WLS: variants seen among roughly 807,000 people sequenced by gnomAD.
The protein encoded by WLS is Wnt ligand secretion mediator.
WLS carries 23 observed loss-of-function variants against 62.8 expected under a neutral mutation model. That is an observed-to-expected ratio of 0.37 (90% CI 0.26 to 0.52). The LOEUF (loss-of-function observed/expected upper bound fraction) is 0.52, where lower values mean the gene tolerates loss of function less well. WLS is among the 20% of genes least tolerant of loss of function. The pLI, the probability that WLS is intolerant of heterozygous loss-of-function variation, is 0.92. For synonymous variants in WLS, 246 were observed against 244.1 expected, an observed-to-expected ratio of 1.01 and a Z score of -0.07; for missense variants, 615 against 697.3, an observed-to-expected ratio of 0.88 and a Z score of 1.33.
intron 11 of WLS, among the ~76,000 whole-genome samples, chr1:68,110,136 T>C (rs148182667): frequency 2.7e-3 from 405 of 151,470 alleles, no homozygotes; most frequent in Non-Finnish European, 4.1e-3. Flanking sequence ...TTTAGTAAGA[T>C]TGAGAAAAGT....
chr1:68,172,301 AAAGTAT>A (rs1403523914), intron 2 of WLS, among the ~76,000 whole-genome samples: 1 of 119,474 alleles, frequency 8.4e-6, no homozygotes, highest in Non-Finnish European at 1.8e-5. Context: ...CCCAGAACTT[AAAGTAT>A]AATTAAAAAA....
In WLS at chr1:68,216,734, C is replaced by G. The variant is rs111638217; in HGVS notation, c.106+15460G>C. ...GGAGCCCTGAGATGGAAAAAGGCAG[C>G]AGCATGAACAAGTAGAGGGTTAATG... On this transcript the variant is annotated intron_variant, in intron 1 of 11. Transcript: ENST00000262348. 3.1e-3 allele frequency among the ~76,000 whole-genome samples: 474 copies of G among 152,282 alleles called. 6 individuals carry two copies. Among genetic ancestry groups the G allele is most frequent in the African/African-American group, 0.011 (462 of 41,540 alleles).
At chr1:68,175,747 C>T (rs1647231865) in intron 2 of WLS, among the ~76,000 whole-genome samples, 1 of 152,144 alleles carries the variant, frequency 6.6e-6, no homozygotes, top group Admixed American at 6.6e-5. Flanking sequence ...AAACAATTAA[C>T]AAATACAAAA....
chr1:68,120,261 C>A (rs1310366163), intron 11 of WLS, among the ~76,000 whole-genome samples: 1 of 152,172 alleles, frequency 6.6e-6, no homozygotes, highest in East Asian at 1.9e-4. Flanking sequence ...CAGCCAGGAC[C>A]AGAACTTACT....
chr1:68,207,406 T>C (rs1440865015), intron 1 of WLS, among the ~76,000 whole-genome samples: 1 of 152,220 alleles, frequency 6.6e-6, no homozygotes, highest in African/African-American at 2.4e-5. Flanking sequence ...AGTCATAGCA[T>C]ACACTTCTAA....
In WLS at chr1:68,164,368, C is replaced by A. The variant is rs113883383; in HGVS notation, c.380-5121G>T. ...CTGCCTCCCGGGTTCAAGCAATTCT[C>A]CTGCCTCAGCCTCCTGAGTAGCTGG... On this transcript the variant is annotated intron_variant, in intron 2 of 11. Transcript: ENST00000262348. Among the ~76,000 whole-genome samples, 51 of 152,072 alleles carry A rather than the reference C, an allele frequency of 3.4e-4. 1 individual carries two copies. Among genetic ancestry groups the A allele is most frequent in the African/African-American group, 1.2e-3 (51 of 41,474 alleles).
chr1:68,143,571 A>G (rs1426014049), intron 10 of WLS, among the ~76,000 whole-genome samples: 1 of 152,212 alleles, frequency 6.6e-6, no homozygotes, highest in East Asian at 1.9e-4. Context: ...AATACTTACC[A>G]TTGTGTTACA....
intron 9 of WLS, among the ~76,000 whole-genome samples, chr1:68,144,880 G>C (rs1646733142): frequency 6.6e-6 from 1 of 152,124 alleles, no homozygotes; most frequent in Non-Finnish European, 1.5e-5. Flanking sequence ...GCAGCGATAC[G>C]AGAGCCTGGG....
chr1:68,145,815 A>G, intron 9 of WLS, 54 bp downstream of exon 9: 1 of 1,606,502 alleles, frequency 6.2e-7, no homozygotes. Flanking sequence ...TTACACATCA[A>G]GTGGAAAGAT....
chr1:68,211,777 G>C (rs899540485), intron 1 of WLS, among the ~76,000 whole-genome samples: 1 of 152,060 alleles, frequency 6.6e-6, no homozygotes, highest in African/African-American at 2.4e-5. Context: ...CTTGGACATG[G>C]GTATCCTACC....
At chr1:68,213,961 C>A (rs532172408) in intron 1 of WLS, among the ~76,000 whole-genome samples, 1 of 152,182 alleles carries the variant, frequency 6.6e-6, no homozygotes, top group Non-Finnish European at 1.5e-5. Flanking sequence ...ATCCCCAGCA[C>A]TACTGCTCGG....
At chr1:68,223,477 G>A (rs1650021787) in intron 1 of WLS, among the ~76,000 whole-genome samples, 2 of 152,166 alleles carry the variant, frequency 1.3e-5, no homozygotes, top group Middle Eastern at 3.2e-3. Context: ...CTCAAAGAAG[G>A]AAAAGAATGG....
chr1:68,099,297 G>GT (rs1646047988), intron 11 of WLS, among the ~76,000 whole-genome samples: 1 of 152,154 alleles, frequency 6.6e-6, no homozygotes, highest in African/African-American at 2.4e-5. Flanking sequence ...ATCTGGTAGG[G>GT]TGAAGAATGA....
In WLS at chr1:68,136,524, G is replaced by A. The variant is rs890652943; in HGVS notation, c.1516+1256C>T. On this transcript the variant is annotated intron_variant, in intron 11 of 11. Transcript: ENST00000262348. ...CTGGAAAATGCTGTTACCACCCCCCGCTTTGTAAAGACTGACAGTACAAAT... is the reference window on the plus strand; with the variant it reads ...CTGGAAAATGCTGTTACCACCCCCCACTTTGTAAAGACTGACAGTACAAAT... Among the ~76,000 whole-genome samples the A allele has an allele frequency of 5.9e-5, 9 of 152,200 alleles. No homozygotes were observed. In the South Asian group the frequency reaches 8.3e-4, roughly 14 times the overall value.
Position 68,232,202 on chromosome 1 carries a change from C to G in WLS, c.98G>C (p.Gly33Ala), listed in dbSNP as rs753335690. ...VFQIIAFLVG[G>A]LIAPGPTTAV... ...CAGCTCTCCGCACTTACCAATCAAG[C>G]CTCCCACCAGAAAGGCGATGATTTG... Residue 33 changes from glycine to alanine, a missense_variant, in exon 1 of 12, where the codon GGC (glycine) becomes GCC (alanine). Gly to Ala is a moderately conservative substitution (Grantham distance 60, BLOSUM62 0). Coordinates refer to ENST00000262348, the MANE Select transcript of WLS (RefSeq NM_024911.7). 5.0e-6 allele frequency: 8 copies of G among 1,613,990 alleles called. No individual in the cohort carries two copies. The highest frequency in any genetic ancestry group is 1.3e-5 in the African/African-American group (1 of 74,904).
At position 68,128,201 on chromosome 1, in the gene WLS, A is replaced by G. The variant is rs111266888; in HGVS notation, c.1517-1866T>C. On this transcript the variant is annotated intron_variant, in intron 11 of 11. Transcript: ENST00000262348. ...CCCTCAAGCCAGAGCATAGATGCCA[A>G]GTAAGGCTGGTGAGAGGCTTTAGCT... Among the ~76,000 whole-genome samples, 1,269 of 152,308 alleles carry G rather than the reference A, an allele frequency of 8.3e-3. 3 individuals carry two copies. Among genetic ancestry groups the G allele is most frequent in the Middle Eastern group, 0.027 (8 of 294 alleles).
chr1:68,158,017 T>C (rs934143978), intron 3 of WLS, among the ~76,000 whole-genome samples: 1 of 152,240 alleles, frequency 6.6e-6, no homozygotes, highest in African/African-American at 2.4e-5. Context: ...TCCTGCTTCC[T>C]CTAGTTTGTC....
At chr1:68,227,934 C>T (rs577104907) in intron 1 of WLS, among the ~76,000 whole-genome samples, 1 of 152,264 alleles carries the variant, frequency 6.6e-6, no homozygotes, top group African/African-American at 2.4e-5. Flanking sequence ...TCCAAATAAA[C>T]AACAGCAGCA....
intron 10 of WLS, chr1:68,141,583 G>A (rs545808829): frequency 6.6e-6 from 1 of 152,130 alleles, no homozygotes; most frequent in Non-Finnish European, 1.5e-5. Context: ...TTCATTCCTG[G>A]CCTCAGAGCT....
Sources: gnomAD v4.1 joint callset for allele counts (sites outside exome capture counted in the v4.1 genomes callset) on GRCh38, gnomAD v4.1.1 for gene constraint, MANE v1.5 for transcripts, NCBI Gene and HGNC (gene_info 2026-07-23, HGNC 2026-07-21) for gene names.